Variants in CAMK1D observed in about 807,000 individuals in gnomAD.
CAMK1D encodes calcium/calmodulin dependent protein kinase ID.
In CAMK1D, 9 loss-of-function variants were observed where a neutral mutation model predicts 47.7. That is an observed-to-expected ratio of 0.19 (90% CI 0.11 to 0.33). The LOEUF is 0.33. Ranked by LOEUF, CAMK1D falls within the 10% of genes least tolerant of loss-of-function variation. The pLI, the probability that CAMK1D is intolerant of heterozygous loss-of-function variation, is 1.00. For missense variants in CAMK1D, 291 were observed against 488.7 expected (o/e 0.60, Z 3.81); for synonymous variants, 184 against 184.9 (o/e 0.99, Z 0.04).
chr10:12,615,577 G>A (rs548673839), intron 2 of CAMK1D, among the ~76,000 whole-genome samples: 11 of 13,420 alleles, frequency 8.2e-4, no homozygotes, highest in Admixed American at 4.0e-3. Flanking sequence ...GTGTGTGTGC[G>A]TGTGTGTAGG....
intron 1 of CAMK1D, among the ~76,000 whole-genome samples, chr10:12,404,838 G>A (rs1316043244): frequency 1.3e-5 from 2 of 151,736 alleles, no homozygotes; most frequent in South Asian, 2.1e-4. Flanking sequence ...GCAAGCATGC[G>A]CCACCACACC....
At chr10:12,683,911 C>G (rs1832550008) in intron 3 of CAMK1D, among the ~76,000 whole-genome samples, 1 of 151,962 alleles carries the variant, frequency 6.6e-6, no homozygotes, top group African/African-American at 2.4e-5. Flanking sequence ...CATTTCAGGG[C>G]AACTAGACAT....
chr10:12,552,658 G>T (rs959006392), intron 1 of CAMK1D, among the ~76,000 whole-genome samples: 3 of 152,204 alleles, frequency 2.0e-5, no homozygotes, highest in Non-Finnish European at 4.4e-5. Flanking sequence ...CCGGGAGGTG[G>T]CCTAACTGTG....
chr10:12,526,937 G>C (rs1469788913), intron 1 of CAMK1D, among the ~76,000 whole-genome samples: 1 of 149,956 alleles, frequency 6.7e-6, no homozygotes, highest in African/African-American at 2.5e-5. Context: ...TCTAGTCCCA[G>C]CTACTCAGAA....
intron 8 of CAMK1D, among the ~76,000 whole-genome samples, chr10:12,817,930 C>T (rs201056609): frequency 1.3e-5 from 2 of 152,172 alleles, no homozygotes; most frequent in Non-Finnish European, 2.9e-5. Context: ...CTCAGGTGAT[C>T]CACCTGTTTC....
intron 1 of CAMK1D, among the ~76,000 whole-genome samples, chr10:12,440,283 TGG>T (rs1832748090): frequency 8.0e-6 from 1 of 125,012 alleles, no homozygotes; most frequent in South Asian, 3.1e-4. Flanking sequence ...TTAGTCTTTT[TGG>T]ATTTTTTTTT....
intron 1 of CAMK1D, among the ~76,000 whole-genome samples, chr10:12,515,102 AT>A (rs1227646464): frequency 2.6e-5 from 4 of 151,656 alleles, no homozygotes; most frequent in African/African-American, 9.7e-5. Flanking sequence ...ACCTCAGGTG[AT>A]CCACCCCCCT....
At chr10:12,779,028 G>A (rs1023734482) in intron 5 of CAMK1D, among the ~76,000 whole-genome samples, 3 of 152,098 alleles carry the variant, frequency 2.0e-5, no homozygotes, top group South Asian at 4.1e-4. Flanking sequence ...CCAGAGTCAC[G>A]GGCTGCTTCT....
chr10:12,360,563 T>C (rs1837628952), intron 1 of CAMK1D, among the ~76,000 whole-genome samples: 1 of 152,106 alleles, frequency 6.6e-6, no homozygotes, highest in Non-Finnish European at 1.5e-5. Flanking sequence ...TACCTCAAAA[T>C]AGGTTGAGAG....
chr10:12,741,390 GA>G (rs1329512690), intron 3 of CAMK1D, among the ~76,000 whole-genome samples: 1 of 152,206 alleles, frequency 6.6e-6, no homozygotes. Context: ...AGGACAGCCA[GA>G]AAGGCACTGA....
At chr10:12,401,336 A>T (rs1447329424) in intron 1 of CAMK1D, among the ~76,000 whole-genome samples, 1 of 109,426 alleles carries the variant, frequency 9.1e-6, no homozygotes, top group African/African-American at 3.4e-5. Flanking sequence ...TTATATATAT[A>T]TAATATATAT....
chr10:12,829,061 A>G lies in CAMK1D; in HGVS notation c.*174A>G. ...TTTCTACTGCAATTCTGAAGTGTTCATTTCTCACAAACTGTACTGACTCGA... is the reference window on the plus strand; with the variant it reads ...TTTCTACTGCAATTCTGAAGTGTTCGTTTCTCACAAACTGTACTGACTCGA... On this transcript the variant is annotated 3_prime_UTR_variant, in exon 11 of 11. Coordinates refer to ENST00000619168, the MANE Select transcript of CAMK1D (RefSeq NM_153498.4). 1.8e-6 allele frequency: 1 copy of G among 566,750 alleles called. No homozygotes were observed. The highest frequency in any genetic ancestry group is 3.0e-5 in the East Asian group (1 of 33,468). The allele number at this position is 566,750 out of a possible 1,614,324, so 35.1% of individuals were successfully genotyped here. A position where few individuals can be genotyped will look rare whatever the true frequency, so the allele number is the denominator to read the frequency against.
At chr10:12,717,961 A>G (rs951326974) in intron 3 of CAMK1D, among the ~76,000 whole-genome samples, 8 of 152,148 alleles carry the variant, frequency 5.3e-5, no homozygotes, top group Admixed American at 3.3e-4. Context: ...TATAGATACT[A>G]TACTGAAATC....
intron 2 of CAMK1D, among the ~76,000 whole-genome samples, chr10:12,636,968 C>T (rs1839527690): frequency 6.6e-6 from 1 of 152,018 alleles, no homozygotes; most frequent in Admixed American, 6.6e-5. Flanking sequence ...GAATTAAGAC[C>T]ATACTTTTTA....
chr10:12,800,569 T>C (rs997371152), intron 6 of CAMK1D, among the ~76,000 whole-genome samples: 2 of 152,248 alleles, frequency 1.3e-5, no homozygotes, highest in Non-Finnish European at 2.9e-5. Context: ...GCTCGTGTTT[T>C]TCAGACCCCC....
At chr10:12,672,901 T>TTTTTGTTTTGTTTTTTTTTTTGTTTTG (rs1564481966) in intron 3 of CAMK1D, among the ~76,000 whole-genome samples, 53 of 147,146 alleles carry the variant, frequency 3.6e-4, no homozygotes, top group African/African-American at 1.2e-3. Flanking sequence ...CTTGCCTTTT[T>TTTTTGTTTTGTTTTTTTTTTTGTTTTG]TTTTTTTTTT....
chr10:12,368,462 C>G (rs1056084345), intron 1 of CAMK1D, among the ~76,000 whole-genome samples: 2 of 151,910 alleles, frequency 1.3e-5, no homozygotes, highest in African/African-American at 4.8e-5. Flanking sequence ...GGAGCATAGG[C>G]TTTGATTAGA....
rs1840293410 is a variant in CAMK1D at position 12,427,708 on chromosome 10, T to TTTTTTTTTTTTTTTG, written c.92+77812_92+77813insGTTTTTTTTTTTTTT. Among the ~76,000 whole-genome samples, 2 of 106,372 alleles carry TTTTTTTTTTTTTTTG rather than the reference T, an allele frequency of 1.9e-5. 1 individual carries two copies. The highest frequency in any genetic ancestry group is 3.9e-5 in the Non-Finnish European group (2 of 50,886). 69.8% of individuals were successfully genotyped at this position (106,372 alleles called of 152,430 possible). ...GCTTCACTGAACTTACTGTTTTTTT[T>TTTTTTTTTTTTTTTG]TTTTTTTTTTTTTTTTTGAGACGGA... On this transcript the variant is annotated intron_variant, in intron 1 of 10. Coordinates refer to ENST00000619168, the MANE Select transcript of CAMK1D (RefSeq NM_153498.4).
At chr10:12,532,860 T>C (rs1395573163) in intron 1 of CAMK1D, among the ~76,000 whole-genome samples, 1 of 150,330 alleles carries the variant, frequency 6.7e-6, no homozygotes. Context: ...AAACATCGCA[T>C]GTTCTCACCT....
Sources: allele counts gnomAD v4.1 joint callset (sites outside exome capture counted in the v4.1 genomes callset), GRCh38; gene constraint gnomAD v4.1.1; transcripts MANE v1.5; gene names NCBI Gene and HGNC (gene_info 2026-07-23, HGNC 2026-07-21).